The following ANK1 variants were observed in gnomAD, a reference collection of about 807,000 sequenced individuals.
The protein encoded by ANK1 is ankyrin 1.
ANK1 carries 51 observed loss-of-function variants against 210.4 expected under a neutral mutation model. That is an observed-to-expected ratio of 0.24 (90% CI 0.19 to 0.31). ANK1 has a LOEUF of 0.31. Ranked by LOEUF, ANK1 falls within the 10% of genes least tolerant of loss-of-function variation. ANK1 has a pLI of 1.00. For missense variants in ANK1, 2,051 were observed against 2,504.4 expected (o/e 0.82, Z 3.86); for synonymous variants, 967 against 1,025.9 (o/e 0.94, Z 1.10).
chr8:41,753,688 C>T (rs1162347851), intron 2 of ANK1, among the ~76,000 whole-genome samples: 1 of 152,130 alleles, frequency 6.6e-6, no homozygotes, highest in Non-Finnish European at 1.5e-5. Context: ...CCATGCCCTC[C>T]TCCCGCCCTC....
At chr8:41,687,316 C>A (rs1044567330) in intron 35 of ANK1, among the ~76,000 whole-genome samples, 1 of 152,258 alleles carries the variant, frequency 6.6e-6, no homozygotes, top group Non-Finnish European at 1.5e-5. Flanking sequence ...CTCAAAGCCA[C>A]ACAGTGCTGG....
At chr8:41,713,673 C>T (rs1358276812) in intron 16 of ANK1, among the ~76,000 whole-genome samples, 1 of 152,222 alleles carries the variant, frequency 6.6e-6, no homozygotes, top group Non-Finnish European at 1.5e-5. Flanking sequence ...TCGCCAGCAG[C>T]CCTGAGGATT....
intron 41 of ANK1, 54 bp downstream of exon 41, chr8:41,661,822 A>C: frequency 6.2e-7 from 1 of 1,614,020 alleles, no homozygotes; most frequent in Non-Finnish European, 8.5e-7. Flanking sequence ...TCATAAAGTA[A>C]TCAATATCGA....
At chr8:41,791,442 TCTTTC>T (rs1158003591) in intron 1 of ANK1, among the ~76,000 whole-genome samples, 1 of 150,552 alleles carries the variant, frequency 6.6e-6, no homozygotes, top group Non-Finnish European at 1.5e-5. Flanking sequence ...TCTCTCTCTT[TCTTTC>T]TTTTTTTTTT....
intron 1 of ANK1, among the ~76,000 whole-genome samples, chr8:41,763,888 T>TA (rs1841103992): frequency 2.9e-5 from 3 of 104,976 alleles, no homozygotes; most frequent in Admixed American, 1.2e-4. Context: ...TTTCTTTTTT[T>TA]CTTTTTTTTT....
At position 41,719,739 on chromosome 8, in the gene ANK1, G is replaced by A. The variant is rs61757698; in HGVS notation, c.1029C>T (p.His343=). The A allele has an allele frequency of 4.4e-5, 71 of 1,614,228 alleles. No individual in the cohort carries two copies. Among genetic ancestry groups the A allele is most frequent in the East Asian group, 1.1e-4 (5 of 44,878 alleles). Residue 343 remains histidine, a synonymous_variant, in exon 10 of 43, where the codon CAC becomes CAT. Transcript: ENST00000289734. ...TGTGGTGTCCACAGTGGGCAGCCAC[G>A]TGGAGTGGGGTCAGGTGGTCCAGGG... ...DITLDHLTPL[H]VAAHCGHHRV...
At chr8:41,690,669 C>G in intron 31 of ANK1, 70 bp from the exon 32 acceptor site, 2 of 1,570,094 alleles carry the variant, frequency 1.3e-6, no homozygotes, top group South Asian at 2.2e-5. Context: ...CTTCCACCTT[C>G]GGTCCTTCCC....
At chr8:41,673,136 TG>T (rs1172939844) in intron 37 of ANK1, among the ~76,000 whole-genome samples, 1 of 151,666 alleles carries the variant, frequency 6.6e-6, no homozygotes, top group Non-Finnish European at 1.5e-5. Flanking sequence ...CTGAATTGGG[TG>T]GGGGCAGCCA....
chr8:41,704,185 CA>C lies in ANK1; in HGVS notation c.2197-47del. On this transcript the variant is annotated intron_variant, in intron 19 of 42. Transcript: ENST00000289734. This position sits in a 1 kb window ranked among gnomAD's most constrained non-coding sequence, Gnocchi z 4.1. Reference sequence around the variant, plus strand: ...TAGGCAGGGTTAGCCAGCCACTAGACAGAGACCTGCCTACACATGATAGTGC... The same window carrying C: ...TAGGCAGGGTTAGCCAGCCACTAGACGAGACCTGCCTACACATGATAGTGC... 6.5e-7 allele frequency: 1 copy of C among 1,541,482 alleles called. No individual in the cohort carries two copies. The highest frequency in any genetic ancestry group is 9.0e-7 in the Non-Finnish European group (1 of 1,115,236).
intron 13 of ANK1, among the ~76,000 whole-genome samples, chr8:41,716,486 C>T: frequency 6.6e-6 from 1 of 152,110 alleles, no homozygotes; most frequent in East Asian, 1.9e-4. Context: ...CCCATCGTGG[C>T]CTGTGGTTAG....
At chr8:41,664,794 C>A (rs1332714786) in intron 39 of ANK1, 1 of 1,597,344 alleles carries the variant, frequency 6.3e-7, no homozygotes, top group Non-Finnish European at 8.5e-7. Context: ...GGCCTCCTGC[C>A]AGGCGGTTAC....
At chr8:41,697,239 C>T (rs1821315116) in intron 24 of ANK1, among the ~76,000 whole-genome samples, 1 of 152,202 alleles carries the variant, frequency 6.6e-6, no homozygotes, top group South Asian at 2.1e-4. Flanking sequence ...ATGAGGTGAA[C>T]ACAACAGACT....
intron 40 of ANK1, among the ~76,000 whole-genome samples, 188 bp downstream of exon 40, chr8:41,663,471 T>C (rs1046157763): frequency 6.6e-6 from 1 of 152,144 alleles, no homozygotes; most frequent in African/African-American, 2.4e-5. Context: ...GAGGACACCA[T>C]GACTGGACTG....
chr8:41,769,537 A>G (rs2150731643), intron 1 of ANK1, among the ~76,000 whole-genome samples: 1 of 152,374 alleles, frequency 6.6e-6, no homozygotes, highest in African/African-American at 2.4e-5. Flanking sequence ...TCAGATGAGT[A>G]AATAATATAT....
chr8:41,693,318 C>A lies in ANK1; in HGVS notation c.3533-117G>T. ...GACTGGGTGAAGCTCACTTTGTCTG[C>A]AGCCCTGGGCACCCTACCCTCACCC... is the stretch of plus-strand genomic sequence containing the variant. On this transcript the variant is annotated intron_variant, in intron 29 of 42. Coordinates refer to ENST00000289734, the MANE Select transcript of ANK1 (RefSeq NM_000037.4). 4 of 887,684 alleles carry A rather than the reference C, an allele frequency of 4.5e-6. No individual in the cohort carries two copies. The Admixed American group carries it at 7.7e-5, about 17-fold the overall frequency. 55.0% of individuals were successfully genotyped at this position (887,684 alleles called of 1,614,324 possible).
At chr8:41,830,060 G>A (rs1483274104) in intron 1 of ANK1, 1 of 151,342 alleles carries the variant, frequency 6.6e-6, no homozygotes, top group Non-Finnish European at 1.5e-5. Flanking sequence ...CACAGAGCAA[G>A]TACTAAATAA....
At chr8:41,852,520 G>T (rs919276167) in intron 1 of ANK1, among the ~76,000 whole-genome samples, 4 of 152,198 alleles carry the variant, frequency 2.6e-5, no homozygotes, top group Non-Finnish European at 5.9e-5. Context: ...GCTGGGAGAG[G>T]CCCCAAGTGG....
chr8:41,817,625 A>G (rs1176676704), intron 1 of ANK1, among the ~76,000 whole-genome samples: 23 of 152,254 alleles, frequency 1.5e-4, no homozygotes, highest in Admixed American at 1.5e-3. Flanking sequence ...TTCTAGAGTT[A>G]GAGCTATTTG....
chr8:41,817,943 T>C lies in ANK1; in HGVS notation c.127-59806A>G, dbSNP rs188810707. Among the ~76,000 whole-genome samples the C allele has an allele frequency of 3.9e-3, 594 of 152,334 alleles. 4 individuals are homozygous for C. Among genetic ancestry groups the C allele is most frequent in the African/African-American group, 0.013 (524 of 41,576 alleles). ...GATGCTCCTGAGAAGTGGCAAGAGT[T>C]GGTGTGCCAGCTGCCAATGGGCTGC... On this transcript the variant is annotated intron_variant, in intron 1 of 42. Transcript: ENST00000265709.
Sources: allele counts gnomAD v4.1 joint callset (sites outside exome capture counted in the v4.1 genomes callset), GRCh38; gene constraint gnomAD v4.1.1; non-coding constraint Gnocchi (gnomAD v3.1); transcripts MANE v1.5; gene names NCBI Gene and HGNC (gene_info 2026-07-23, HGNC 2026-07-21).